The following PTPN14 variants were observed in gnomAD, a reference collection of about 807,000 sequenced individuals.
The protein encoded by PTPN14 is protein tyrosine phosphatase non-receptor type 14, also known as tyrosine-protein phosphatase non-receptor type 14.
A neutral mutation model predicts 126.8 loss-of-function variants in PTPN14; 53 were observed. The observed-to-expected ratio is 0.42, with a 90% CI of 0.34 to 0.53. The LOEUF is 0.53. Among genes scored for constraint, PTPN14 ranks in the 20% least tolerant of loss-of-function variants. The probability of loss-of-function intolerance (pLI) is 0.08; values close to 1 mark genes in which losing one functional copy is unlikely to be tolerated. For missense variants in PTPN14, 1,257 were observed against 1,552.9 expected (o/e 0.81, Z 3.20); for synonymous variants, 630 against 599.3 (o/e 1.05, Z -0.75).
rs778669184 is a variant in PTPN14, at chr1:214,349,720, G to A, written c.*8202C>T. The A allele has an allele frequency of 6.6e-6, 1 of 152,176 alleles. No homozygotes were observed. Among genetic ancestry groups the A allele is most frequent in the Non-Finnish European group, 1.5e-5 (1 of 68,042 alleles). The allele number at this position is 152,176 out of a possible 1,614,324, so 9.4% of individuals were successfully genotyped here. A position where few individuals can be genotyped will look rare whatever the true frequency, so the allele number is the denominator to read the frequency against. ...AGGAACTCATCTCTGATGAAGAGTA[G>A]CTTTATGTCAGAAAGGAGAAGGCTA... On this transcript the variant is annotated 3_prime_UTR_variant, in exon 19 of 19. Coordinates refer to ENST00000366956, the MANE Select transcript of PTPN14 (RefSeq NM_005401.5).
At chr1:214,398,896 G>A (rs760619394) in intron 7 of PTPN14, among the ~76,000 whole-genome samples, 156 of 152,020 alleles carry the variant, frequency 1.0e-3, no homozygotes, top group Non-Finnish European at 1.7e-3. Flanking sequence ...AGCCTCCTGA[G>A]TGGCTGGGAC....
Position 214,551,490 on chromosome 1 carries a change from G to C in PTPN14, c.-462C>G, listed in dbSNP as rs545483103. 2 of 152,582 alleles carry C rather than the reference G, an allele frequency of 1.3e-5. No homozygotes were observed. The highest frequency in any genetic ancestry group is 3.9e-4 in the East Asian group (2 of 5,156). The allele number at this position is 152,582 out of a possible 1,614,324, so 9.5% of individuals were successfully genotyped here. On this transcript the variant is annotated 5_prime_UTR_variant, in exon 1 of 19. Transcript: ENST00000366956. ...CAGTGGCCACTTGATGTCTGTCTAG[G>C]GCTCCCCGAGGACCTGAGCCAGGAG...
At chr1:214,456,570 C>T (rs1442060059) in intron 2 of PTPN14, among the ~76,000 whole-genome samples, 1 of 152,130 alleles carries the variant, frequency 6.6e-6, no homozygotes, top group Non-Finnish European at 1.5e-5. Context: ...TCTTCATTTT[C>T]CTAGCCAATC....
intron 10 of PTPN14, 130 bp from the exon 11 acceptor site, chr1:214,391,175 T>C (rs1658743752): frequency 5.7e-6 from 3 of 521,892 alleles, no homozygotes; most frequent in Non-Finnish European, 9.3e-6. Flanking sequence ...ACGTGGCTTA[T>C]TTCTGGGTGG....
At chr1:214,464,529 C>T in intron 2 of PTPN14, 101 bp downstream of exon 2, 26 of 1,451,688 alleles carry the variant, frequency 1.8e-5, no homozygotes, top group Non-Finnish European at 2.4e-5. Context: ...AAAAACACAA[C>T]AGATGCCAAA....
chr1:214,427,726 C>T (rs1659699850), intron 3 of PTPN14, among the ~76,000 whole-genome samples: 1 of 151,794 alleles, frequency 6.6e-6, no homozygotes, highest in East Asian at 1.9e-4. Context: ...CAGAGAGTAG[C>T]AAGGTAGGAG....
At chr1:214,476,631 C>A (rs1371979254) in intron 1 of PTPN14, among the ~76,000 whole-genome samples, 1 of 152,176 alleles carries the variant, frequency 6.6e-6, no homozygotes, top group Non-Finnish European at 1.5e-5. Flanking sequence ...CAGCACTGAG[C>A]TTCCCTGGGA....
chr1:214,511,643 C>G (rs1478800182), intron 1 of PTPN14, among the ~76,000 whole-genome samples: 1 of 152,160 alleles, frequency 6.6e-6, no homozygotes, highest in Non-Finnish European at 1.5e-5. Flanking sequence ...ACAGAATTCC[C>G]TTAGGATCTA....
chr1:214,431,507 T>A (rs1399094998), intron 3 of PTPN14, among the ~76,000 whole-genome samples: 3 of 152,224 alleles, frequency 2.0e-5, no homozygotes, highest in African/African-American at 7.2e-5. Context: ...CAGAGCAGAA[T>A]TCAAATCCAA....
chr1:214,527,658 C>T (rs948111058), intron 1 of PTPN14, among the ~76,000 whole-genome samples: 3 of 152,244 alleles, frequency 2.0e-5, no homozygotes, highest in East Asian at 1.9e-4. Flanking sequence ...AGATTCTGAA[C>T]GGTCATGTGG....
In PTPN14 at chr1:214,384,007, C is replaced by G. The variant is rs750042768; in HGVS notation, c.1848G>C (p.Val616=). 6.2e-7 allele frequency: 1 copy of G among 1,606,536 alleles called. No individual in the cohort carries two copies. The highest frequency in any genetic ancestry group is 8.5e-7 in the Non-Finnish European group (1 of 1,179,008). ...VKTFQEDSSP[V]VHQSLQEVSE... ...TCACCTCCTGGAGAGACTGATGAAC[C>G]ACCGGAGAGCTGTCCTCTTGGAAGG... The change falls in exon 13 of 19, where the codon GTG becomes GTC. Residue 616 remains valine, a synonymous_variant. Transcript: ENST00000366956. This position sits in a 1 kb window ranked among gnomAD's most constrained non-coding sequence, Gnocchi z 5.3.
chr1:214,479,047 T>C (rs956900541), intron 1 of PTPN14, among the ~76,000 whole-genome samples: 4 of 152,044 alleles, frequency 2.6e-5, no homozygotes, highest in Non-Finnish European at 4.4e-5. Flanking sequence ...CATTCCTTTT[T>C]AAAATCAGAA....
At chr1:214,391,822 C>A (rs1658759820) in intron 10 of PTPN14, among the ~76,000 whole-genome samples, 1 of 151,630 alleles carries the variant, frequency 6.6e-6, no homozygotes. Context: ...GATAAAATAT[C>A]TTTTATGAAA....
chr1:214,383,280 G>A lies in PTPN14; in HGVS notation c.2544+31C>T. Reference sequence around the variant, plus strand: ...TGCCTGAAGCATGTGCTTTCACACTGGAAAATGCCCTGGGAGAGGAGGACA... The same window carrying A: ...TGCCTGAAGCATGTGCTTTCACACTAGAAAATGCCCTGGGAGAGGAGGACA... On this transcript the variant is annotated intron_variant, in intron 13 of 18. Coordinates refer to ENST00000366956, the MANE Select transcript of PTPN14 (RefSeq NM_005401.5). This position sits in a 1 kb window ranked among gnomAD's most constrained non-coding sequence, Gnocchi z 4.4. 1.9e-6 allele frequency: 3 copies of A among 1,590,120 alleles called. No homozygotes were observed. Among genetic ancestry groups the A allele is most frequent in the Non-Finnish European group, 2.6e-6 (3 of 1,163,994 alleles).
chr1:214,423,963 AGAGT>A (rs746304873), intron 3 of PTPN14, among the ~76,000 whole-genome samples: 7 of 152,066 alleles, frequency 4.6e-5, no homozygotes, highest in Non-Finnish European at 7.4e-5. Context: ...CCTGGGTGAC[AGAGT>A]GAGACTCAGT....
chr1:214,467,070 T>C (rs1407571300), intron 1 of PTPN14, among the ~76,000 whole-genome samples: 1 of 152,158 alleles, frequency 6.6e-6, no homozygotes, highest in Non-Finnish European at 1.5e-5. Context: ...TAAAATATAT[T>C]AACATTTCTA....
Position 214,453,464 on chromosome 1 carries a change from T to C in PTPN14, c.175-1490A>G, listed in dbSNP as rs146654335. ...AGCCTTCTAGACTCTCAGAGTTTTCTCCTCTGCAAAATGGAGATGATGGTT... is the reference window on the plus strand; with the variant it reads ...AGCCTTCTAGACTCTCAGAGTTTTCCCCTCTGCAAAATGGAGATGATGGTT... On this transcript the variant is annotated intron_variant, in intron 2 of 18. Transcript: ENST00000366956. Among the ~76,000 whole-genome samples the C allele has an allele frequency of 1.7e-3, 252 of 152,368 alleles. 1 individual carries two copies. The highest frequency in any genetic ancestry group is 5.7e-3 in the African/African-American group (239 of 41,588).
intron 1 of PTPN14, among the ~76,000 whole-genome samples, chr1:214,546,764 G>C (rs1275111468): frequency 1.3e-5 from 2 of 152,116 alleles, no homozygotes; most frequent in African/African-American, 4.8e-5. Context: ...ACTAATTGAC[G>C]AGGCTCAAGA....
At chr1:214,447,492 T>C (rs972850310) in intron 3 of PTPN14, among the ~76,000 whole-genome samples, 4 of 152,226 alleles carry the variant, frequency 2.6e-5, no homozygotes, top group African/African-American at 9.6e-5. Flanking sequence ...CACCTGATCG[T>C]TGTTGGTGGC....
Sources: gnomAD v4.1 joint callset for allele counts (sites outside exome capture counted in the v4.1 genomes callset) on GRCh38, gnomAD v4.1.1 for gene constraint, Gnocchi (gnomAD v3.1) non-coding constraint, MANE v1.5 for transcripts, NCBI Gene and HGNC (gene_info 2026-07-23, HGNC 2026-07-21) for gene names.